Variants in NTM observed in about 807,000 individuals in gnomAD.
The protein encoded by NTM is neurotrimin.
A neutral mutation model predicts 42.1 loss-of-function variants in NTM; 13 were observed. The ratio of observed to expected loss-of-function variants is 0.31; its 90% CI spans 0.20 to 0.49. NTM has a LOEUF of 0.49. NTM is among the 20% of genes least tolerant of loss of function. NTM has a pLI of 0.99. For synonymous variants in NTM, 187 were observed against 179.2 expected, an observed-to-expected ratio of 1.04 and a Z score of -0.35; for missense variants, 373 against 452.8, an observed-to-expected ratio of 0.82 and a Z score of 1.60.
chr11:132,176,368 GA>G (rs5795757), intron 3 of NTM, among the ~76,000 whole-genome samples: 91,577 of 149,074 alleles, frequency 0.61, 28,330 homozygotes, highest in Non-Finnish European at 0.65. Flanking sequence ...AAAAAAAAAA[GA>G]AAAAAAAAAC....
At chr11:131,710,917 C>T (rs2077052239) in intron 1 of NTM, among the ~76,000 whole-genome samples, 2 of 152,046 alleles carry the variant, frequency 1.3e-5, no homozygotes, top group Admixed American at 1.3e-4. Flanking sequence ...AATGCCTTTT[C>T]CCTGCCCCTG....
rs566610605 is a variant in NTM at position 132,188,634 on chromosome 11, AGCACCAGCATCATGATATGCTGTATGT to A, written c.401-23384_401-23358del. The stretch of plus-strand genomic sequence containing the variant: ...AAAAATAGGAATTCCCAGAGGAACC[AGCACCAGCATCATGATATGCTGTATGT>A]GCAATGTTGTTGCAAACAGTTCCCC... On this transcript the variant is annotated intron_variant, in intron 3 of 8. Transcript: ENST00000683400. 7.4e-4 allele frequency among the ~76,000 whole-genome samples: 112 copies of A among 152,318 alleles called. 1 individual carries two copies. The highest frequency in any genetic ancestry group is 2.5e-3 in the African/African-American group (102 of 41,568).
At position 131,773,822 on chromosome 11, in the gene NTM, C is replaced by G. The variant is rs79617328; in HGVS notation, c.83-137742C>G. 9.3e-4 allele frequency among the ~76,000 whole-genome samples: 141 copies of G among 152,274 alleles called. No individual in the cohort carries two copies. In the East Asian group the frequency reaches 0.021, roughly 23 times the overall value. The stretch of plus-strand genomic sequence containing the variant: ...GACTGTGTTCCAACTTCATTTTGCC[C>G]TGCACTTTCACTTAGGGTGACTAAG... On this transcript the variant is annotated intron_variant, in intron 1 of 8. Coordinates refer to ENST00000683400, the MANE Select transcript of NTM (RefSeq NM_001352005.2).
At chr11:132,233,942 G>T (rs947918244) in intron 4 of NTM, among the ~76,000 whole-genome samples, 4 of 152,128 alleles carry the variant, frequency 2.6e-5, no homozygotes, top group African/African-American at 9.7e-5. Context: ...ACCCTCCAGG[G>T]GTCCTCCCTG....
chr11:132,009,162 G>C (rs1476065880), intron 2 of NTM, among the ~76,000 whole-genome samples: 1 of 152,118 alleles, frequency 6.6e-6, no homozygotes, highest in African/African-American at 2.4e-5. Flanking sequence ...AGCTACAATT[G>C]GAAACCTGCT....
intron 1 of NTM, among the ~76,000 whole-genome samples, chr11:131,792,579 A>G (rs1377628322): frequency 6.6e-6 from 1 of 152,156 alleles, no homozygotes; most frequent in Non-Finnish European, 1.5e-5. Context: ...ATTTAATGCC[A>G]TCACCACCTC....
At chr11:131,988,716 T>G (rs2066496696) in intron 2 of NTM, among the ~76,000 whole-genome samples, 1 of 152,166 alleles carries the variant, frequency 6.6e-6, no homozygotes, top group South Asian at 2.1e-4. Flanking sequence ...TGCCTTCATT[T>G]TGACAGTTTT....
chr11:131,483,787 C>T (rs1355636792), intron 1 of NTM, among the ~76,000 whole-genome samples: 2 of 152,240 alleles, frequency 1.3e-5, no homozygotes, highest in Non-Finnish European at 2.9e-5. Flanking sequence ...TTGGACCCAA[C>T]AAAAGGGCAG....
intron 1 of NTM, among the ~76,000 whole-genome samples, chr11:131,696,615 A>C (rs1333891399): frequency 1.3e-5 from 2 of 152,178 alleles, no homozygotes; most frequent in Non-Finnish European, 2.9e-5. Context: ...CCTGATTCTC[A>C]TGTGATAAAT....
intron 1 of NTM, among the ~76,000 whole-genome samples, chr11:131,776,755 A>G (rs144195199): frequency 2.8e-4 from 42 of 152,246 alleles, no homozygotes; most frequent in Non-Finnish European, 4.4e-5. Context: ...GAAAAGATAG[A>G]TTTCCGCCAC....
At chr11:131,691,597 C>T (rs754229017) in intron 1 of NTM, among the ~76,000 whole-genome samples, 111 of 149,848 alleles carry the variant, frequency 7.4e-4, no homozygotes, top group Admixed American at 2.9e-3. Flanking sequence ...TCACTGTTTT[C>T]TCTCCTCCTT....
At chr11:131,583,878 T>C (rs2058630426) in intron 1 of NTM, among the ~76,000 whole-genome samples, 1 of 152,204 alleles carries the variant, frequency 6.6e-6, no homozygotes, top group Non-Finnish European at 1.5e-5. Context: ...AGTACCTTCA[T>C]GGATATGAGT....
chr11:131,815,879 G>A (rs529760271), intron 1 of NTM, among the ~76,000 whole-genome samples: 1 of 152,198 alleles, frequency 6.6e-6, no homozygotes, highest in African/African-American at 2.4e-5. Context: ...TGTTGGCAGG[G>A]CTGGGTTGAG....
intron 1 of NTM, among the ~76,000 whole-genome samples, chr11:131,641,015 C>T (rs2065065015): frequency 6.6e-6 from 1 of 152,138 alleles, no homozygotes; most frequent in African/African-American, 2.4e-5. Context: ...TCAAGAGACC[C>T]GAAATTGGTC....
At position 131,834,642 on chromosome 11, in the gene NTM, A is replaced by ATATATATG. The variant is rs1283909922; in HGVS notation, c.83-76919_83-76918insATATGTAT. 2.2e-4 allele frequency among the ~76,000 whole-genome samples: 32 copies of ATATATATG among 147,448 alleles called. 1 individual carries two copies. The highest frequency in any genetic ancestry group is 3.0e-4 in the Non-Finnish European group (20 of 66,990). On this transcript the variant is annotated intron_variant, in intron 1 of 8. Transcript: ENST00000683400. ...TACATATACATATATATATATATAT[A>ATATATATG]TATGTATAATCTTCACAGCAACGCA...
chr11:131,475,190 A>G (rs1952802358), intron 1 of NTM, among the ~76,000 whole-genome samples: 1 of 152,178 alleles, frequency 6.6e-6, no homozygotes, highest in Non-Finnish European at 1.5e-5. Context: ...TAACTTTTGC[A>G]AACCAAGCCC....
intron 2 of NTM, among the ~76,000 whole-genome samples, chr11:131,930,955 C>CTG (rs978921081): frequency 4.6e-5 from 7 of 151,984 alleles, no homozygotes; most frequent in Admixed American, 3.9e-4. Flanking sequence ...TGCTCTTTGA[C>CTG]TGTGTGTGTG....
intron 1 of NTM, among the ~76,000 whole-genome samples, chr11:131,438,562 C>G (rs190963102): frequency 2.0e-5 from 3 of 152,306 alleles, no homozygotes; most frequent in Admixed American, 2.0e-4. Flanking sequence ...CTTTCTTCCA[C>G]TTGATCGAAT....
At chr11:132,133,307 G>A (rs1381629496) in intron 2 of NTM, among the ~76,000 whole-genome samples, 1 of 152,146 alleles carries the variant, frequency 6.6e-6, no homozygotes, top group Non-Finnish European at 1.5e-5. Context: ...ATAAGAAACA[G>A]CACACTTCTG....
Sources: allele counts gnomAD v4.1 joint callset (sites outside exome capture counted in the v4.1 genomes callset), GRCh38; gene constraint gnomAD v4.1.1; transcripts MANE v1.5; gene names NCBI Gene and HGNC (gene_info 2026-07-23, HGNC 2026-07-21).